Variants in WDFY3 observed in about 807,000 individuals in gnomAD.
WDFY3 encodes the protein WD repeat and FYVE domain containing 3, also known as WD repeat and FYVE domain-containing protein 3.
Under a neutral mutation model 409.6 loss-of-function variants are expected in WDFY3, and 66 were observed. The observed-to-expected ratio is 0.16, with a 90% CI of 0.13 to 0.20. The LOEUF is 0.20. WDFY3 is among the 10% of genes least tolerant of loss of function. The probability of loss-of-function intolerance (pLI) is 1.00; values close to 1 mark genes in which losing one functional copy is unlikely to be tolerated. For missense variants in WDFY3, 3,031 were observed against 4,298.1 expected (o/e 0.71, Z 8.24); for synonymous variants, 1,521 against 1,537.1 (o/e 0.99, Z 0.25).
intron 1 of WDFY3, among the ~76,000 whole-genome samples, chr4:84,958,576 A>G (rs907713247): frequency 1.3e-5 from 2 of 152,190 alleles, no homozygotes; most frequent in South Asian, 4.1e-4. Flanking sequence ...CCAGGTAGAA[A>G]GAAAGGCTCA....
intron 1 of WDFY3, among the ~76,000 whole-genome samples, chr4:84,962,134 T>C (rs182610792): frequency 6.6e-5 from 10 of 152,346 alleles, no homozygotes; most frequent in African/African-American, 2.4e-4. Flanking sequence ...AAAAAGGAAC[T>C]GTGCTGGAGC....
chr4:84,923,524 G>A (rs1412880896), intron 2 of WDFY3, among the ~76,000 whole-genome samples: 1 of 152,112 alleles, frequency 6.6e-6, no homozygotes, highest in Non-Finnish European at 1.5e-5. Flanking sequence ...AAATAAATGT[G>A]TATGCTTTTC....
At chr4:84,793,486 A>T (rs947794096) in intron 21 of WDFY3, among the ~76,000 whole-genome samples, 1 of 152,242 alleles carries the variant, frequency 6.6e-6, no homozygotes, top group African/African-American at 2.4e-5. Flanking sequence ...ATACTAGTTC[A>T]TTATTTTTTC....
chr4:84,674,412 A>T (rs1725914333), intron 67 of WDFY3, among the ~76,000 whole-genome samples: 2 of 152,024 alleles, frequency 1.3e-5, no homozygotes. Flanking sequence ...TCTACAAAAA[A>T]TACAAAAATT....
chr4:84,818,816 T>TG (rs1753679171), intron 12 of WDFY3, among the ~76,000 whole-genome samples: 1 of 152,110 alleles, frequency 6.6e-6, no homozygotes, highest in South Asian at 2.1e-4. Flanking sequence ...TGAAAAGAAT[T>TG]GTATGAAATT....
intron 32 of WDFY3, among the ~76,000 whole-genome samples, chr4:84,760,329 AG>A (rs1742323802): frequency 6.6e-6 from 1 of 152,114 alleles, no homozygotes; most frequent in Non-Finnish European, 1.5e-5. Flanking sequence ...AAAATGAGTT[AG>A]GGAGGATTCC....
chr4:84,823,770 A>T (rs138310083), intron 10 of WDFY3, among the ~76,000 whole-genome samples: 89 of 152,348 alleles, frequency 5.8e-4, no homozygotes, highest in African/African-American at 2.1e-3. Context: ...AGGACTAACA[A>T]TACCAAGTGT....
intron 5 of WDFY3, among the ~76,000 whole-genome samples, chr4:84,843,512 A>G (rs1757666747): frequency 6.6e-6 from 1 of 152,124 alleles, no homozygotes; most frequent in Non-Finnish European, 1.5e-5. Flanking sequence ...CCTCCGCCTC[A>G]GTCCCCCATG....
In WDFY3 at chr4:84,844,810, A is replaced by T. The variant is rs568218599; in HGVS notation, c.305-3547T>A. 1.1e-4 allele frequency among the ~76,000 whole-genome samples: 16 copies of T among 152,316 alleles called. No homozygotes were observed. The East Asian group carries it at 3.1e-3, about 29-fold the overall frequency. Reference sequence around the variant, plus strand: ...GAGCTAACTAGAAGAGATGGGGGAAAATCTTAAGATACACCCTCTATACAA... The same window carrying T: ...GAGCTAACTAGAAGAGATGGGGGAATATCTTAAGATACACCCTCTATACAA... On this transcript the variant is annotated intron_variant, in intron 5 of 67. Coordinates refer to ENST00000295888, the MANE Select transcript of WDFY3 (RefSeq NM_014991.6).
At chr4:84,853,506 A>C (rs1759325649) in intron 4 of WDFY3, among the ~76,000 whole-genome samples, 1 of 152,058 alleles carries the variant, frequency 6.6e-6, no homozygotes, top group Admixed American at 6.6e-5. Flanking sequence ...GGTGTTTATA[A>C]TATTCCTATT....
chr4:84,849,697 C>T (rs868510834), intron 5 of WDFY3: 1 of 531,714 alleles, frequency 1.9e-6, no homozygotes, highest in Non-Finnish European at 3.1e-6. Flanking sequence ...GTGGTCCAGG[C>T]AGAGTAGCCT....
intron 13 of WDFY3, 145 bp downstream of exon 13, chr4:84,817,247 A>G: frequency 3.1e-6 from 3 of 964,132 alleles, no homozygotes; most frequent in Non-Finnish European, 4.7e-6. Flanking sequence ...AGTTTTTCCA[A>G]GTTCCTAACG....
intron 36 of WDFY3, among the ~76,000 whole-genome samples, chr4:84,747,548 T>C (rs1486919485): frequency 2.6e-5 from 4 of 152,134 alleles, no homozygotes; most frequent in African/African-American, 4.8e-5. Flanking sequence ...CCTCAGACCA[T>C]AGCAATGTGC....
chr4:84,952,038 G>C (rs1773678937), intron 1 of WDFY3, among the ~76,000 whole-genome samples: 3 of 152,162 alleles, frequency 2.0e-5, no homozygotes, highest in East Asian at 1.9e-4. Flanking sequence ...GCTATGAATA[G>C]AGATGACAAG....
intron 3 of WDFY3, among the ~76,000 whole-genome samples, chr4:84,895,987 G>C (rs944943885): frequency 4.3e-4 from 66 of 152,312 alleles, no homozygotes; most frequent in Non-Finnish European, 2.8e-4. Flanking sequence ...GCTGGGCGCA[G>C]TGGCTCACAC....
At chr4:84,709,989 T>C (rs1376852460) in intron 51 of WDFY3, among the ~76,000 whole-genome samples, 2 of 152,232 alleles carry the variant, frequency 1.3e-5, no homozygotes, top group African/African-American at 4.8e-5. Context: ...CCCAAAGTGC[T>C]AGGATTACAG....
At chr4:84,874,139 C>A (rs371963068) in intron 3 of WDFY3, among the ~76,000 whole-genome samples, 1 of 151,602 alleles carries the variant, frequency 6.6e-6, no homozygotes, top group African/African-American at 2.4e-5. Flanking sequence ...AGAGACCGGG[C>A]GAGGTGGCTC....
intron 8 of WDFY3, among the ~76,000 whole-genome samples, chr4:84,829,397 C>T (rs183513142): frequency 2.0e-4 from 30 of 152,134 alleles, no homozygotes; most frequent in Admixed American, 1.8e-3. Context: ...AAGGATAATA[C>T]AGAAATGTGT....
intron 22 of WDFY3, among the ~76,000 whole-genome samples, chr4:84,788,389 C>A (rs1747903254): frequency 6.6e-6 from 1 of 152,124 alleles, no homozygotes; most frequent in Non-Finnish European, 1.5e-5. Flanking sequence ...AGTACTGTGA[C>A]TATTGACAGG....
Sources: gnomAD v4.1 joint callset for allele counts (sites outside exome capture counted in the v4.1 genomes callset) on GRCh38, gnomAD v4.1.1 for gene constraint, MANE v1.5 for transcripts, NCBI Gene and HGNC (gene_info 2026-07-23, HGNC 2026-07-21) for gene names.